Variants in KCNN3 observed in about 807,000 individuals in gnomAD.
The protein encoded by KCNN3 is small conductance calcium-activated potassium channel protein 3.
A neutral mutation model predicts 62.9 loss-of-function variants in KCNN3; 16 were observed. That is an observed-to-expected ratio of 0.25 (90% CI 0.17 to 0.39). The LOEUF (loss-of-function observed/expected upper bound fraction) is 0.39. Among genes scored for constraint, KCNN3 ranks in the 10% least tolerant of loss-of-function variants. KCNN3 has a pLI of 1.00. For synonymous variants in KCNN3, 370 were observed against 389.2 expected (o/e 0.95, Z 0.58); for missense variants, 599 against 949.4 (o/e 0.63, Z 4.85).
Position 154,870,006 on chromosome 1 carries a change from C to G in KCNN3, c.-42G>C. 3 of 1,592,730 alleles carry G rather than the reference C, an allele frequency of 1.9e-6. No homozygotes were observed. Among genetic ancestry groups the G allele is most frequent in the Non-Finnish European group, 2.6e-6 (3 of 1,167,124 alleles). The stretch of plus-strand genomic sequence containing the variant: ...ATTCCCTGCAGCACAAGCCCCCACC[C>G]CAAAGCCACCCTCGCTCCAAAGATG... On this transcript the variant is annotated 5_prime_UTR_variant, in exon 1 of 8. Transcript: ENST00000271915.
rs1344022582 is a variant in KCNN3, at chr1:154,869,840, GGCTGCTGCTGCTGTTGCT to G, written c.107_124del (p.Gln36_Gln41del). The G allele has an allele frequency of 1.9e-6, 3 of 1,571,638 alleles. No individual in the cohort carries two copies. In the African/African-American group the frequency reaches 4.1e-5, roughly 21 times the overall value. ...GGCTGCTGGTGGCGCTGGCGGTGGT[GGCTGCTGCTGCTGTTGCT>G]GCTGCTGCTGCTGCTGCTGCTCATC... On this transcript the variant is annotated inframe_deletion, in exon 1 of 8. Coordinates refer to ENST00000271915, the MANE Select transcript of KCNN3 (RefSeq NM_002249.6). This position sits in a 1 kb window ranked among gnomAD's most constrained non-coding sequence, Gnocchi z 6.1.
chr1:154,756,520 C>T (rs187960035), intron 3 of KCNN3, among the ~76,000 whole-genome samples: 353 of 152,090 alleles, frequency 2.3e-3, no homozygotes, highest in African/African-American at 8.2e-3. Flanking sequence ...TCCAGTGACT[C>T]CTTCCCCCCG....
intron 2 of KCNN3, among the ~76,000 whole-genome samples, chr1:154,778,686 C>A (rs1648896145): frequency 1.5e-5 from 2 of 132,186 alleles, no homozygotes; most frequent in South Asian, 5.1e-4. Flanking sequence ...ATGGCACCAT[C>A]TGCCTCCCGG....
At chr1:154,830,316 A>C (rs959748434) in intron 1 of KCNN3, among the ~76,000 whole-genome samples, 17 of 152,196 alleles carry the variant, frequency 1.1e-4, no homozygotes, top group African/African-American at 4.1e-4. Context: ...CCGTCCCTGG[A>C]TGAGGAAGAG....
chr1:154,749,743 G>A (rs1437243681), intron 3 of KCNN3, among the ~76,000 whole-genome samples: 1 of 152,052 alleles, frequency 6.6e-6, no homozygotes, highest in Non-Finnish European at 1.5e-5. Context: ...AAGGGGAGGA[G>A]TCTGAGGGCA....
chr1:154,766,416 T>TATATATATATATATA, intron 3 of KCNN3, among the ~76,000 whole-genome samples: 1 of 71,812 alleles, frequency 1.4e-5, no homozygotes, highest in Non-Finnish European at 2.8e-5. Context: ...TAGCCAGGCT[T>TATATATATATATATA]TATATATATA....
chr1:154,724,906 G>C (rs1339203578), intron 5 of KCNN3, among the ~76,000 whole-genome samples: 1 of 151,546 alleles, frequency 6.6e-6, no homozygotes, highest in Non-Finnish European at 1.5e-5. Flanking sequence ...GCCCAGGCTG[G>C]AGTGCAGTGG....
chr1:154,826,067 ACAAAAAC>A lies in KCNN3; in HGVS notation c.934-3890_934-3884del, dbSNP rs759194092. 1.7e-3 allele frequency among the ~76,000 whole-genome samples: 153 copies of A among 87,910 alleles called. 8 individuals carry two copies. The highest frequency in any genetic ancestry group is 6.5e-3 in the African/African-American group (145 of 22,194). 57.7% of individuals were successfully genotyped at this position (87,910 alleles called of 152,430 possible). On this transcript the variant is annotated intron_variant, in intron 1 of 7. Coordinates refer to ENST00000271915, the MANE Select transcript of KCNN3 (RefSeq NM_002249.6). ...ATCTTAAAAAAAAACAAAAACAAAA[ACAAAAAC>A]AAAAACAAAAACAAAAAAAACCAAA...
intron 1 of KCNN3, among the ~76,000 whole-genome samples, chr1:154,855,837 T>C (rs1652499711): frequency 6.6e-6 from 1 of 152,194 alleles, no homozygotes; most frequent in South Asian, 2.1e-4. Flanking sequence ...GTCTAGCATA[T>C]GGTAGGTGCT....
At chr1:154,792,491 C>A (rs1169807244) in intron 2 of KCNN3, among the ~76,000 whole-genome samples, 1 of 152,216 alleles carries the variant, frequency 6.6e-6, no homozygotes, top group Non-Finnish European at 1.5e-5. Flanking sequence ...AAAGTAACAG[C>A]AAGCTGATGG....
At chr1:154,726,167 CA>C in intron 4 of KCNN3, 141 bp from the exon 5 acceptor site, 1 of 639,106 alleles carries the variant, frequency 1.6e-6, no homozygotes, top group Non-Finnish European at 2.8e-6. Flanking sequence ...TGGTCACGAC[CA>C]AGCCACAAAA....
At chr1:154,778,329 G>GGTC (rs1188656420) in intron 2 of KCNN3, among the ~76,000 whole-genome samples, 6 of 152,136 alleles carry the variant, frequency 3.9e-5, no homozygotes, top group African/African-American at 1.4e-4. Context: ...GGCCATTGTG[G>GGTC]GTATATAAAT....
intron 2 of KCNN3, among the ~76,000 whole-genome samples, chr1:154,810,968 C>T (rs1488198126): frequency 2.0e-5 from 3 of 152,252 alleles, no homozygotes; most frequent in Admixed American, 2.0e-4. Context: ...ACATCTCTTA[C>T]CTTCTCTGCT....
chr1:154,757,459 G>A (rs1330385006), intron 3 of KCNN3, among the ~76,000 whole-genome samples: 1 of 152,118 alleles, frequency 6.6e-6, no homozygotes, highest in Non-Finnish European at 1.5e-5. Context: ...GGCTAAACAA[G>A]GCCCTTACAA....
intron 2 of KCNN3, among the ~76,000 whole-genome samples, chr1:154,799,314 A>T (rs1315129663): frequency 2.0e-5 from 3 of 152,244 alleles, no homozygotes; most frequent in African/African-American, 7.2e-5. Flanking sequence ...CTCAGCCAGC[A>T]TTAATGCCAA....
intron 2 of KCNN3, among the ~76,000 whole-genome samples, chr1:154,778,611 C>CTTTTTTTTT (rs11459390): frequency 1.2e-4 from 9 of 73,638 alleles, no homozygotes; most frequent in Non-Finnish European, 2.0e-4. Flanking sequence ...CTCTCTGTCT[C>CTTTTTTTTT]TTTTTTTTTT....
rs1025505619 is a variant in KCNN3 at position 154,772,727 on chromosome 1, G to A, written c.1030-334C>T. ...CTGGTTTAGGCACAGTTCCCAAAAC[G>A]CTCGGAATTTCCAAAGTGATAAGTG... On this transcript the variant is annotated intron_variant, in intron 2 of 7. Transcript: ENST00000271915. The surrounding 1 kb of genome is among the most constrained non-coding windows in gnomAD (Gnocchi z 5.6). Among the ~76,000 whole-genome samples the A allele has an allele frequency of 4.6e-5, 7 of 152,134 alleles. No individual in the cohort carries two copies. The highest frequency in any genetic ancestry group is 7.4e-5 in the Non-Finnish European group (5 of 68,026).
intron 2 of KCNN3, among the ~76,000 whole-genome samples, chr1:154,803,808 G>C (rs551161459): frequency 1.6e-4 from 24 of 152,280 alleles, no homozygotes; most frequent in African/African-American, 5.8e-4. Context: ...TGGCTGGAGG[G>C]GACAGGAAGG....
chr1:154,743,103 ACCAGCCCCACCCTCTCACCTTGT>A (rs1479979709), intron 3 of KCNN3, among the ~76,000 whole-genome samples: 5 of 151,724 alleles, frequency 3.3e-5, no homozygotes, highest in Admixed American at 1.3e-4. Flanking sequence ...GCCACCCTGG[ACCAGCCCCACCCTCTCACCTTGT>A]CCAGCCCCAC....
Sources: gnomAD v4.1 joint callset for allele counts (sites outside exome capture counted in the v4.1 genomes callset) on GRCh38, gnomAD v4.1.1 for gene constraint, Gnocchi (gnomAD v3.1) non-coding constraint, MANE v1.5 for transcripts, NCBI Gene and HGNC (gene_info 2026-07-23, HGNC 2026-07-21) for gene names.